Variants in SPAG16 observed in about 807,000 individuals in gnomAD.
SPAG16 encodes the protein sperm-associated antigen 16 protein.
Under a neutral mutation model 80.4 loss-of-function variants are expected in SPAG16, and 86 were observed. That is an observed-to-expected ratio of 1.07 (90% CI 0.90 to 1.28). The LOEUF (loss-of-function observed/expected upper bound fraction) is 1.28, where lower values mean the gene tolerates loss of function less well. Among genes scored for constraint, SPAG16 ranks in the 50% most tolerant of loss-of-function variants. SPAG16 has a pLI of 0.00. For synonymous variants in SPAG16, 294 were observed against 265.9 expected (o/e 1.11, Z -1.03); for missense variants, 870 against 765.3 (o/e 1.14, Z -1.61).
intron 6 of SPAG16, among the ~76,000 whole-genome samples, chr2:213,341,438 T>C (rs992798375): frequency 1.3e-5 from 2 of 152,192 alleles, no homozygotes; most frequent in Non-Finnish European, 2.9e-5. Flanking sequence ...GTATCCATAT[T>C]TCCTTTCATT....
intron 9 of SPAG16, among the ~76,000 whole-genome samples, chr2:213,469,883 G>T (rs2072978997): frequency 6.6e-6 from 1 of 152,088 alleles, no homozygotes; most frequent in Admixed American, 6.5e-5. Flanking sequence ...TGTCCAGGTG[G>T]CAATCTTAAC....
intron 11 of SPAG16, among the ~76,000 whole-genome samples, chr2:213,897,606 A>G (rs1257455467): frequency 1.1e-5 from 1 of 94,026 alleles, no homozygotes; most frequent in Admixed American, 1.1e-4. Flanking sequence ...TACCCTCCTC[A>G]TCTGCCTATA....
chr2:214,145,424 A>G (rs2055591276), intron 14 of SPAG16, among the ~76,000 whole-genome samples: 1 of 152,132 alleles, frequency 6.6e-6, no homozygotes, highest in African/African-American at 2.4e-5. Context: ...TTAATTTATA[A>G]TAAAGTTCAG....
At chr2:213,356,066 G>C (rs1393449725) in intron 7 of SPAG16, among the ~76,000 whole-genome samples, 1 of 152,156 alleles carries the variant, frequency 6.6e-6, no homozygotes, top group Admixed American at 6.5e-5. Flanking sequence ...TTTATTGAGA[G>C]ATTTTAGCAT....
At chr2:213,745,448 G>A (rs547262900) in intron 10 of SPAG16, among the ~76,000 whole-genome samples, 3 of 152,102 alleles carry the variant, frequency 2.0e-5, no homozygotes, top group African/African-American at 7.2e-5. Context: ...TCACCATGTT[G>A]ACTAGGCTGG....
chr2:213,395,673 G>A (rs983422636), intron 9 of SPAG16, among the ~76,000 whole-genome samples: 4 of 152,038 alleles, frequency 2.6e-5, no homozygotes, highest in Non-Finnish European at 5.9e-5. Flanking sequence ...TCCAGTCCTG[G>A]AATCTCTGAT....
chr2:213,760,897 A>G (rs1211368854), intron 10 of SPAG16, among the ~76,000 whole-genome samples: 1 of 152,234 alleles, frequency 6.6e-6, no homozygotes, highest in Non-Finnish European at 1.5e-5. Context: ...GACAGACATC[A>G]GGGGCTGAAC....
chr2:213,674,598 T>C (rs1015661194), intron 10 of SPAG16, among the ~76,000 whole-genome samples: 1 of 149,298 alleles, frequency 6.7e-6, no homozygotes, highest in African/African-American at 2.6e-5. Flanking sequence ...TGTGTTCTCA[T>C]TGTTCAATTC....
chr2:214,015,276 G>T (rs1007948053), intron 13 of SPAG16, among the ~76,000 whole-genome samples: 7 of 152,130 alleles, frequency 4.6e-5, no homozygotes, highest in African/African-American at 9.7e-5. Flanking sequence ...TCAGGTGGCT[G>T]GTTGATATCA....
intron 12 of SPAG16, among the ~76,000 whole-genome samples, chr2:213,991,313 T>G (rs1325825208): frequency 6.6e-6 from 1 of 152,126 alleles, no homozygotes; most frequent in Non-Finnish European, 1.5e-5. Context: ...TCATCCACAT[T>G]TCTGCAAAGG....
chr2:213,984,057 T>A (rs978976633), intron 12 of SPAG16, among the ~76,000 whole-genome samples: 4 of 152,130 alleles, frequency 2.6e-5, no homozygotes, highest in African/African-American at 9.7e-5. Flanking sequence ...ATTCTTTTCA[T>A]GTGCTAGCTG....
intron 10 of SPAG16, among the ~76,000 whole-genome samples, chr2:213,774,937 C>A (rs1035727848): frequency 6.6e-6 from 1 of 152,214 alleles, no homozygotes; most frequent in Non-Finnish European, 1.5e-5. Context: ...ATATCTCCTA[C>A]TCAGCTCCCA....
intron 10 of SPAG16, among the ~76,000 whole-genome samples, chr2:213,591,097 C>T (rs994630774): frequency 6.6e-6 from 1 of 152,202 alleles, no homozygotes; most frequent in Non-Finnish European, 1.5e-5. Flanking sequence ...ATTGGGTACA[C>T]ATGAACATAA....
chr2:213,556,897 T>C (rs889399658), intron 10 of SPAG16, among the ~76,000 whole-genome samples: 1 of 152,166 alleles, frequency 6.6e-6, no homozygotes, highest in African/African-American at 2.4e-5. Context: ...CAAGTATCTT[T>C]TTTTTGAAGA....
chr2:214,359,351 C>A (rs1192752607), intron 15 of SPAG16, among the ~76,000 whole-genome samples: 1 of 151,756 alleles, frequency 6.6e-6, no homozygotes, highest in Non-Finnish European at 1.5e-5. Context: ...TTACTATATA[C>A]AAAATAGGCT....
At chr2:214,143,626 C>A (rs547296569) in intron 14 of SPAG16, among the ~76,000 whole-genome samples, 2 of 152,130 alleles carry the variant, frequency 1.3e-5, no homozygotes, top group African/African-American at 2.4e-5. Context: ...TGAAAAAATT[C>A]TTTTAAATTA....
At chr2:213,781,414 C>T (rs772527128) in intron 10 of SPAG16, among the ~76,000 whole-genome samples, 1 of 152,114 alleles carries the variant, frequency 6.6e-6, no homozygotes, top group South Asian at 2.1e-4. Context: ...TTGATGCCCT[C>T]TCCTAATCCC....
intron 15 of SPAG16, among the ~76,000 whole-genome samples, chr2:214,218,518 C>T (rs796296189): frequency 1.3e-5 from 2 of 152,258 alleles, no homozygotes; most frequent in African/African-American, 4.8e-5. Flanking sequence ...CACTTTGCTC[C>T]TGCCAGGAAG....
At chr2:213,893,311 A>G (rs968698955) in intron 11 of SPAG16, among the ~76,000 whole-genome samples, 4 of 152,282 alleles carry the variant, frequency 2.6e-5, no homozygotes, top group African/African-American at 4.8e-5. Flanking sequence ...AAAAAATACC[A>G]AAGAGAGTTC....
Sources: gnomAD v4.1 joint callset for allele counts (sites outside exome capture counted in the v4.1 genomes callset) on GRCh38, gnomAD v4.1.1 for gene constraint, MANE v1.5 for transcripts, NCBI Gene and HGNC (gene_info 2026-07-23, HGNC 2026-07-21) for gene names.